Variants in MTHFD1L observed in about 807,000 individuals in gnomAD.
MTHFD1L encodes monofunctional C1-tetrahydrofolate synthase, mitochondrial.
Under a neutral mutation model 119.5 loss-of-function variants are expected in MTHFD1L, and 81 were observed. The ratio of observed to expected loss-of-function variants is 0.68; its 90% CI spans 0.57 to 0.82. MTHFD1L has a LOEUF of 0.82. MTHFD1L is among the 40% of genes least tolerant of loss of function. The pLI is 0.00. For synonymous variants in MTHFD1L, 430 were observed against 475.2 expected, an observed-to-expected ratio of 0.90 and a Z score of 1.24; for missense variants, 1,125 against 1,253.4, an observed-to-expected ratio of 0.90 and a Z score of 1.55.
In MTHFD1L at chr6:150,960,289, C is replaced by T. The variant is rs146649976; in HGVS notation, c.1818C>T (p.Ile606=). ...KGHYRQAQFD[I]AVASEIMAVL... is the part of the protein sequence containing the mutation. ...GGCTGGTTCAGGCGCAGTTTGACAT[C>T]GCAGTGGCCAGCGAGATCATGGCGG... The change falls in exon 18 of 28, where the codon ATC becomes ATT. Residue 606 remains isoleucine (I), a synonymous_variant. Coordinates refer to ENST00000367321, the MANE Select transcript of MTHFD1L (RefSeq NM_015440.5). 6.9e-5 allele frequency: 112 copies of T among 1,613,040 alleles called. No homozygotes were observed. The highest frequency in any genetic ancestry group is 5.2e-4 in the African/African-American group (39 of 74,898).
At chr6:150,882,707 T>C in intron 4 of MTHFD1L, 55 bp from the exon 5 acceptor site, 1 of 1,272,630 alleles carries the variant, frequency 7.9e-7, no homozygotes, top group Non-Finnish European at 1.0e-6. Context: ...CTTCCTTTGT[T>C]GGGTCTCATT....
At chr6:150,962,281 A>C (rs1356039749) in intron 18 of MTHFD1L, among the ~76,000 whole-genome samples, 1 of 152,142 alleles carries the variant, frequency 6.6e-6, no homozygotes, top group African/African-American at 2.4e-5. Context: ...CACCACACCC[A>C]GCCCTTAAAT....
chr6:151,015,105 T>C (rs1782838120), intron 23 of MTHFD1L, 125 bp downstream of exon 23: 2 of 708,954 alleles, frequency 2.8e-6, no homozygotes, highest in Admixed American at 3.4e-5. Context: ...TACCCAGTTC[T>C]TTCTGTTTGT....
rs532391536 is a variant in MTHFD1L at position 150,979,505 on chromosome 6, T to A, written c.2125+7447T>A. Among the ~76,000 whole-genome samples the A allele has an allele frequency of 4.6e-5, 7 of 152,248 alleles. No individual in the cohort carries two copies. The East Asian group carries it at 1.4e-3, about 29-fold the overall frequency. ...TTGGGGGACAGTTTTTTAATTTTTT[T>A]ATTTTCCTTTTTTGAGACGGAGTCT... is the stretch of plus-strand genomic sequence containing the variant. On this transcript the variant is annotated intron_variant, in intron 20 of 27. Transcript: ENST00000367321.
intron 26 of MTHFD1L, among the ~76,000 whole-genome samples, chr6:151,077,834 C>T (rs1372067262): frequency 6.6e-6 from 1 of 151,906 alleles, no homozygotes; most frequent in Non-Finnish European, 1.5e-5. Flanking sequence ...AAGGCCGAGG[C>T]GGGCGGAGCA....
intron 7 of MTHFD1L, among the ~76,000 whole-genome samples, chr6:150,892,056 G>A (rs573139176): frequency 1.3e-5 from 2 of 152,304 alleles, no homozygotes; most frequent in East Asian, 1.9e-4. Flanking sequence ...GCAATGAAAC[G>A]TGAACCTGTG....
At chr6:151,011,464 C>T (rs527777807) in intron 21 of MTHFD1L, among the ~76,000 whole-genome samples, 9 of 151,712 alleles carry the variant, frequency 5.9e-5, no homozygotes, top group Admixed American at 2.6e-4. Flanking sequence ...CACAGGGAGA[C>T]GCAGTGACTT....
intron 8 of MTHFD1L, 114 bp from the exon 9 acceptor site, chr6:150,918,463 A>G: frequency 1.3e-6 from 1 of 789,872 alleles, no homozygotes. Flanking sequence ...CGACATCCTA[A>G]CTTCCTTGGT....
At chr6:151,006,434 A>G (rs1781402411) in intron 20 of MTHFD1L, among the ~76,000 whole-genome samples, 1 of 152,054 alleles carries the variant, frequency 6.6e-6, no homozygotes, top group Admixed American at 6.6e-5. Flanking sequence ...AGTGTGAAGG[A>G]AGATGAAGGT....
rs554912524 is a variant in MTHFD1L, at chr6:150,935,291, G to A, written c.1257-1513G>A. ...GGACTCTGTTGATGTCGAAAGGATG[G>A]AAGAAGCCAAAACTGAACTTCACAA... On this transcript the variant is annotated intron_variant, in intron 11 of 27. Transcript: ENST00000367321. 2.5e-4 allele frequency: 402 copies of A among 1,611,928 alleles called. 1 individual carries two copies. The highest frequency in any genetic ancestry group is 1.8e-3 in the Middle Eastern group (8 of 4,500).
chr6:150,954,765 A>C (rs965732037), intron 16 of MTHFD1L, among the ~76,000 whole-genome samples: 1 of 151,916 alleles, frequency 6.6e-6, no homozygotes, highest in Non-Finnish European at 1.5e-5. Flanking sequence ...CCCAAGACTC[A>C]AGCAATCCTC....
At chr6:150,988,614 G>C (rs954576229) in intron 20 of MTHFD1L, among the ~76,000 whole-genome samples, 3 of 151,778 alleles carry the variant, frequency 2.0e-5, no homozygotes, top group Admixed American at 6.6e-5. Flanking sequence ...TTGTGGGGGG[G>C]GCGGGAGCGG....
chr6:151,066,255 T>C (rs113475864), intron 26 of MTHFD1L, among the ~76,000 whole-genome samples: 5,745 of 150,422 alleles, frequency 0.038, 311 homozygotes, highest in South Asian at 0.12. Context: ...GCTAACATGG[T>C]GAAACCCTGT....
At chr6:151,057,742 A>AG (rs1790152171) in intron 26 of MTHFD1L, among the ~76,000 whole-genome samples, 1 of 152,166 alleles carries the variant, frequency 6.6e-6, no homozygotes, top group African/African-American at 2.4e-5. Flanking sequence ...AACATTCCAC[A>AG]GAACAGTCTT....
Position 151,013,799 on chromosome 6 carries a change from TAAG to T in MTHFD1L, c.2289_2291del (p.Lys764del), listed in dbSNP as rs753132699. 1.4e-5 allele frequency: 23 copies of T among 1,612,624 alleles called. No homozygotes were observed. The East Asian group carries it at 3.1e-4, about 22-fold the overall frequency. On this transcript the variant is annotated inframe_deletion, in exon 22 of 28. Transcript: ENST00000367321. The stretch of plus-strand genomic sequence containing the variant: ...TTCAGGTAACGGCTGGTGTTCCTCT[TAAG>T]AAAGAATATACAGAGGAGGTAAGAG...
At chr6:151,058,327 G>T (rs552338426) in intron 26 of MTHFD1L, among the ~76,000 whole-genome samples, 9 of 152,202 alleles carry the variant, frequency 5.9e-5, no homozygotes, top group Non-Finnish European at 7.3e-5. Flanking sequence ...AGGAGGTGGC[G>T]TGGGAGCACT....
intron 8 of MTHFD1L, chr6:150,912,611 G>C: frequency 2.2e-6 from 1 of 463,044 alleles, no homozygotes. Context: ...TGAAAGGGTG[G>C]TTCTGATTTC....
chr6:150,947,015 C>T (rs1462222813), intron 15 of MTHFD1L, among the ~76,000 whole-genome samples: 2 of 147,186 alleles, frequency 1.4e-5, no homozygotes, highest in Non-Finnish European at 3.0e-5. Flanking sequence ...GCGGAGCTTG[C>T]AGTGAGCCGA....
At chr6:150,992,575 G>T (rs945625155) in intron 20 of MTHFD1L, among the ~76,000 whole-genome samples, 20 of 152,204 alleles carry the variant, frequency 1.3e-4, no homozygotes, top group African/African-American at 4.8e-4. Context: ...AGGAAATTTA[G>T]GTCTGTAATT....
Sources: gnomAD v4.1 joint callset for allele counts (sites outside exome capture counted in the v4.1 genomes callset) on GRCh38, gnomAD v4.1.1 for gene constraint, MANE v1.5 for transcripts, NCBI Gene and HGNC (gene_info 2026-07-23, HGNC 2026-07-21) for gene names.